GPC5: variants seen among roughly 807,000 people sequenced by gnomAD.
GPC5 encodes the protein glypican 5.
GPC5 carries 47 observed loss-of-function variants against 53.9 expected under a neutral mutation model. That is an observed-to-expected ratio of 0.87 (90% CI 0.69 to 1.11). GPC5 has a LOEUF of 1.11. Among genes scored for constraint, GPC5 ranks in the 50% most tolerant of loss-of-function variants. The probability of loss-of-function intolerance (pLI) is 0.00; values close to 1 mark genes in which losing one functional copy is unlikely to be tolerated. For synonymous variants in GPC5, 286 were observed against 263.3 expected (o/e 1.09, Z -0.84); for missense variants, 748 against 713.1 (o/e 1.05, Z -0.56).
intron 7 of GPC5, among the ~76,000 whole-genome samples, chr13:92,615,138 C>G (rs1218309718): frequency 6.6e-6 from 1 of 152,170 alleles, no homozygotes; most frequent in Non-Finnish European, 1.5e-5. Flanking sequence ...AATGACTTTT[C>G]AAACATCACA....
At chr13:92,334,953 G>T (rs144966723) in intron 7 of GPC5, among the ~76,000 whole-genome samples, 1 of 152,104 alleles carries the variant, frequency 6.6e-6, no homozygotes, top group African/African-American at 2.4e-5. Context: ...CTGAGTGTCT[G>T]TGGCTTTTCC....
intron 7 of GPC5, among the ~76,000 whole-genome samples, chr13:92,226,929 C>T (rs1037338741): frequency 6.6e-6 from 1 of 152,064 alleles, no homozygotes; most frequent in Non-Finnish European, 1.5e-5. Context: ...TAGAAGTAAC[C>T]CGTATGCTCA....
At chr13:91,524,468 A>G (rs1367795613) in intron 2 of GPC5, among the ~76,000 whole-genome samples, 1 of 152,166 alleles carries the variant, frequency 6.6e-6, no homozygotes, top group Non-Finnish European at 1.5e-5. Context: ...TGAAAAATAA[A>G]TTTCCACTGC....
At chr13:91,654,700 A>G (rs1006455614) in intron 2 of GPC5, among the ~76,000 whole-genome samples, 1 of 152,130 alleles carries the variant, frequency 6.6e-6, no homozygotes, top group African/African-American at 2.4e-5. Flanking sequence ...TGCAAATTGT[A>G]TTTACTGCAG....
chr13:91,959,322 C>T (rs1193397824), intron 6 of GPC5, among the ~76,000 whole-genome samples: 1 of 139,736 alleles, frequency 7.2e-6, no homozygotes, highest in African/African-American at 2.8e-5. Flanking sequence ...ATAAATTATA[C>T]ATACAAACTA....
At chr13:91,407,573 T>C (rs912996602) in intron 1 of GPC5, among the ~76,000 whole-genome samples, 1 of 152,238 alleles carries the variant, frequency 6.6e-6, no homozygotes, top group African/African-American at 2.4e-5. Flanking sequence ...TGATTTTTTT[T>C]CTGCAAAATA....
chr13:92,835,864 G>A (rs550603025), intron 7 of GPC5, among the ~76,000 whole-genome samples: 2 of 151,916 alleles, frequency 1.3e-5, no homozygotes, highest in Non-Finnish European at 2.9e-5. Flanking sequence ...TGTGTATCTT[G>A]TGTATGTTAC....
At chr13:92,270,996 G>T (rs948653536) in intron 7 of GPC5, among the ~76,000 whole-genome samples, 1 of 152,076 alleles carries the variant, frequency 6.6e-6, no homozygotes, top group Non-Finnish European at 1.5e-5. Context: ...GAAATATTTG[G>T]TTTGGCCTTC....
intron 7 of GPC5, among the ~76,000 whole-genome samples, chr13:92,341,971 C>T (rs1412347156): frequency 6.6e-6 from 1 of 152,054 alleles, no homozygotes; most frequent in Non-Finnish European, 1.5e-5. Flanking sequence ...TTACGTAGGA[C>T]ATACAAGCTC....
At chr13:92,014,261 G>GA (rs1168776035) in intron 6 of GPC5, among the ~76,000 whole-genome samples, 2 of 152,262 alleles carry the variant, frequency 1.3e-5, no homozygotes, top group South Asian at 2.1e-4. Flanking sequence ...TAATCACCAT[G>GA]AAAAAATCTG....
intron 7 of GPC5, among the ~76,000 whole-genome samples, chr13:92,585,064 G>A (rs964947724): frequency 1.3e-5 from 2 of 152,122 alleles, no homozygotes; most frequent in African/African-American, 4.8e-5. Context: ...AGTGTGAAAG[G>A]GAAATGTGGG....
chr13:91,523,236 G>T (rs1302421405), intron 2 of GPC5, among the ~76,000 whole-genome samples: 1 of 152,162 alleles, frequency 6.6e-6, no homozygotes, highest in South Asian at 2.1e-4. Context: ...CAATCCAGCT[G>T]CTGGGCATAT....
intron 2 of GPC5, among the ~76,000 whole-genome samples, chr13:91,562,367 A>G (rs1033099790): frequency 6.6e-6 from 1 of 152,222 alleles, no homozygotes; most frequent in African/African-American, 2.4e-5. Context: ...TCATAAGTAC[A>G]TGGGGGAGTT....
At chr13:92,544,003 C>T (rs1175080093) in intron 7 of GPC5, among the ~76,000 whole-genome samples, 2 of 151,670 alleles carry the variant, frequency 1.3e-5, no homozygotes, top group East Asian at 3.9e-4. Context: ...ACTACATTGC[C>T]AAACTTAAAT....
At chr13:92,817,642 C>G (rs1877521326) in intron 7 of GPC5, among the ~76,000 whole-genome samples, 1 of 151,908 alleles carries the variant, frequency 6.6e-6, no homozygotes, top group South Asian at 2.1e-4. Context: ...TTCATTGATG[C>G]TTCTTTGGAA....
At chr13:92,525,391 T>A (rs1309412394) in intron 7 of GPC5, among the ~76,000 whole-genome samples, 1 of 149,562 alleles carries the variant, frequency 6.7e-6, no homozygotes, top group Non-Finnish European at 1.5e-5. Context: ...TTTAATATAA[T>A]GAAGCAACTG....
At chr13:91,686,479 G>T (rs2035625200) in intron 2 of GPC5, among the ~76,000 whole-genome samples, 1 of 151,740 alleles carries the variant, frequency 6.6e-6, no homozygotes, top group African/African-American at 2.4e-5. Flanking sequence ...AGAAAACTTT[G>T]CACATTTTAC....
intron 7 of GPC5, among the ~76,000 whole-genome samples, chr13:92,780,036 T>C (rs939048264): frequency 5.9e-5 from 9 of 152,112 alleles, no homozygotes; most frequent in Non-Finnish European, 2.9e-5. Context: ...GAAATTTTCA[T>C]CTCTACCACA....
At chr13:91,884,127 G>A (rs550936532) in intron 5 of GPC5, among the ~76,000 whole-genome samples, 1 of 152,226 alleles carries the variant, frequency 6.6e-6, no homozygotes, top group African/African-American at 2.4e-5. Flanking sequence ...GGAGAAAAAG[G>A]AACACTTCTA....
Sources: gnomAD v4.1 joint callset for allele counts (sites outside exome capture counted in the v4.1 genomes callset) on GRCh38, gnomAD v4.1.1 for gene constraint, MANE v1.5 for transcripts, NCBI Gene and HGNC (gene_info 2026-07-23, HGNC 2026-07-21) for gene names.